Variants in SLU7 observed in about 807,000 individuals in gnomAD.
The protein encoded by SLU7 is spliceosome associated SLU7.
SLU7 carries 60 observed loss-of-function variants against 87.0 expected under a neutral mutation model. The observed-to-expected ratio is 0.69, with a 90% CI of 0.56 to 0.86. The LOEUF is 0.86. Among genes scored for constraint, SLU7 ranks in the 40% least tolerant of loss-of-function variants. The pLI is 0.00. For missense variants in SLU7, 507 were observed against 686.6 expected (o/e 0.74, Z 2.92); for synonymous variants, 197 against 222.0 (o/e 0.89, Z 1.00).
intron 12 of SLU7, among the ~76,000 whole-genome samples, chr5:160,406,171 GTA>G (rs888279856): frequency 2.0e-5 from 3 of 152,092 alleles, no homozygotes; most frequent in Non-Finnish European, 4.4e-5. Context: ...CTATATGTGT[GTA>G]TATATGTGTA....
intron 8 of SLU7, 63 bp downstream of exon 8, chr5:160,408,266 A>G: frequency 6.5e-7 from 1 of 1,538,416 alleles, no homozygotes; most frequent in Non-Finnish European, 8.9e-7. Flanking sequence ...CCCAGAGTCG[A>G]TAAAATTTAT....
intron 6 of SLU7, among the ~76,000 whole-genome samples, chr5:160,412,178 T>C (rs1765264201): frequency 6.6e-6 from 1 of 152,220 alleles, no homozygotes; most frequent in African/African-American, 2.4e-5. Flanking sequence ...TTCTAAACTC[T>C]AGAAAATTCT....
intron 2 of SLU7, 126 bp downstream of exon 2, chr5:160,414,999 T>G (rs1371505594): frequency 6.4e-6 from 5 of 782,322 alleles, no homozygotes; most frequent in Non-Finnish European, 9.9e-6. Flanking sequence ...ATGAGTTTGA[T>G]AAAATAAAAA....
rs751710840 is a variant in SLU7, at chr5:160,413,586, G to C, written c.440C>G (p.Thr147Ser). Residue 147 changes from threonine (T) to serine (S), a missense_variant, in exon 5 of 16, where the codon ACT becomes AGT. Physicochemically the swap from Thr to Ser is moderately conservative, Grantham distance 58. Transcript: ENST00000297151. ...GACATGTTCATCTGGAGCTATATTA[G>C]TACCTGTAAATTTGGCTCCAACTCG... is the stretch of plus-strand genomic sequence containing the variant. ...PRRVGAKFTG[T>S]NIAPDEHVQP... 6.2e-7 allele frequency: 1 copy of C among 1,613,180 alleles called. No homozygotes were observed. The highest frequency in any genetic ancestry group is 1.1e-5 in the South Asian group (1 of 90,804).
Position 160,414,329 on chromosome 5 carries a change from C to T in SLU7, c.314G>A (p.Gly105Asp). The change falls in exon 3 of 16, where the codon GGT (glycine) becomes GAT (aspartate). Residue 105 changes from glycine to aspartate, a missense_variant. By Grantham distance (94) the Gly-to-Asp change is moderately conservative (BLOSUM62 -1). Coordinates refer to ENST00000297151, the MANE Select transcript of SLU7 (RefSeq NM_006425.5). The part of the protein sequence containing the change: ...FSSSGEWYKR[G>D]VKENSIITKY... ...AGGTTGCCTACATACCTCTTTTACA[C>T]CCCTCTTGTACCATTCTCCAGATGA... 6.2e-7 allele frequency: 1 copy of T among 1,601,248 alleles called. No homozygotes were observed. The highest frequency in any genetic ancestry group is 8.5e-7 in the Non-Finnish European group (1 of 1,175,388).
Position 160,416,526 on chromosome 5 carries a change from A to G in SLU7, c.-16-1216T>C, listed in dbSNP as rs185238470. 2.6e-3 allele frequency among the ~76,000 whole-genome samples: 402 copies of G among 152,302 alleles called. 4 individuals carry two copies. The highest frequency in any genetic ancestry group is 9.5e-3 in the African/African-American group (393 of 41,568). ...CAATACGTCTTAATTCAATCTCATG[A>G]TCTTCCCTCTGAAATCTAATCTCCT... On this transcript the variant is annotated intron_variant, in intron 1 of 15. Coordinates refer to ENST00000297151, the MANE Select transcript of SLU7 (RefSeq NM_006425.5).
At chr5:160,413,719 A>G in intron 4 of SLU7, 99 bp from the exon 5 acceptor site, 2 of 1,145,856 alleles carry the variant, frequency 1.7e-6, no homozygotes, top group Non-Finnish European at 2.5e-6. Flanking sequence ...GATCTATTCA[A>G]TTTACAGTTA....
intron 1 of SLU7, among the ~76,000 whole-genome samples, chr5:160,416,149 C>T (rs1765447223): frequency 1.3e-5 from 2 of 152,198 alleles, no homozygotes; most frequent in African/African-American, 2.4e-5. Flanking sequence ...CCACCTTGGC[C>T]TCCCAAAGTG....
At chr5:160,405,318 T>C (rs894053248) in intron 12 of SLU7, among the ~76,000 whole-genome samples, 183 bp from the exon 13 acceptor site, 5 of 152,214 alleles carry the variant, frequency 3.3e-5, no homozygotes, top group African/African-American at 9.6e-5. Flanking sequence ...GCAGGACCTG[T>C]AGTTACAAAA....
intron 3 of SLU7, 136 bp from the exon 4 acceptor site, chr5:160,414,115 A>G: frequency 1.5e-6 from 1 of 685,644 alleles, no homozygotes; most frequent in Non-Finnish European, 2.3e-6. Context: ...CCACACATTT[A>G]TAAATGTGAA....
In SLU7 at chr5:160,408,087, T is replaced by A; in HGVS notation, c.820-19A>T. ...TCAAATACTAGAAGAAAAAAATATT[T>A]AAAGAATTAATGTTTACTCACAGCA... On this transcript the variant is annotated intron_variant, in intron 8 of 15. Coordinates refer to ENST00000297151, the MANE Select transcript of SLU7 (RefSeq NM_006425.5). 1 of 1,521,418 alleles carries A rather than the reference T, an allele frequency of 6.6e-7. No homozygotes were observed. Among genetic ancestry groups the A allele is most frequent in the Non-Finnish European group, 9.1e-7 (1 of 1,097,060 alleles). 94.2% of individuals were successfully genotyped at this position (1,521,418 alleles called of 1,614,324 possible).
At position 160,404,846 on chromosome 5, in the gene SLU7, C is replaced by T. The variant is rs775781052; in HGVS notation, c.1427G>A (p.Gly476Glu). Residue 476 changes from glycine (G) to glutamate (E), a missense_variant, in exon 14 of 16, where the codon GGG becomes GAG. By Grantham distance (98) the Gly-to-Glu change is moderately conservative. Around this residue, in one of 6 missense-constraint regions of SLU7, gnomAD observed 201 missense variants for 213.4 expected, o/e 0.94. Transcript: ENST00000297151. ...SEECIINEIT[G>E]EESVKKPQTL... ...TTGAGGTTTTTTCACAGATTCTTCC[C>T]CAGTTATCTCATTTATAATACACTC... 7 of 1,610,820 alleles carry T rather than the reference C, an allele frequency of 4.3e-6. No homozygotes were observed. In the South Asian group the frequency reaches 7.7e-5, roughly 18 times the overall value.
intron 1 of SLU7, 119 bp downstream of exon 1, chr5:160,418,904 T>A (rs951330735): frequency 5.9e-5 from 9 of 152,296 alleles, no homozygotes; most frequent in African/African-American, 2.2e-4. Flanking sequence ...CCTCGCTCCC[T>A]CAACACCTGA....
In SLU7 at chr5:160,412,478, T is replaced by C; in HGVS notation, c.612A>G (p.Leu204=). Residue 204 remains leucine, a synonymous_variant, in exon 6 of 16, where the codon TTA becomes TTG. Coordinates refer to ENST00000297151, the MANE Select transcript of SLU7 (RefSeq NM_006425.5). ...CCTGTTCCACTAATTTTCCTGAGGC[T>C]AATTCCTCTTGGAGTTTCTGGGCTT... ...TLKAQKLQEE[L]ASGKLVEQAN... 1 of 1,557,350 alleles carries C rather than the reference T, an allele frequency of 6.4e-7. No homozygotes were observed. Among genetic ancestry groups the C allele is most frequent in the Non-Finnish European group, 8.7e-7 (1 of 1,147,216 alleles).
rs545258376 is a variant in SLU7, at chr5:160,401,815, A to G, written c.*1470T>C. ...TGCATTGCTGTTTAATTTCATACCA[A>G]TCTAAAGCTCGACACTATGTATATC... On this transcript the variant is annotated 3_prime_UTR_variant, in exon 16 of 16. Coordinates refer to ENST00000297151, the MANE Select transcript of SLU7 (RefSeq NM_006425.5). The G allele has an allele frequency of 5.9e-5, 9 of 152,376 alleles. No homozygotes were observed. The highest frequency in any genetic ancestry group is 1.7e-4 in the African/African-American group (7 of 41,588). 9.4% of individuals were successfully genotyped at this position (152,376 alleles called of 1,614,324 possible).
In SLU7 at chr5:160,413,961, A is replaced by G. The variant is rs1282376143; in HGVS notation, c.343T>C (p.Tyr115His). 3.8e-6 allele frequency: 6 copies of G among 1,584,636 alleles called. No homozygotes were observed. In the Admixed American group the frequency reaches 5.4e-5, roughly 14 times the overall value. Residue 115 changes from tyrosine to histidine, a missense_variant, in exon 4 of 16, where the codon TAC becomes CAC. Tyr to His is a moderately conservative substitution (Grantham distance 83, BLOSUM62 2). Coordinates refer to ENST00000297151, the MANE Select transcript of SLU7 (RefSeq NM_006425.5). ...CAATTTTCACATGCTCCTTTGCGGT[A>G]CTTAGTAATTATGGAATTCTATAAA... ...GVKENSIITK[Y>H]RKGACENCGA...
intron 1 of SLU7, among the ~76,000 whole-genome samples, chr5:160,418,033 C>T (rs182268449): frequency 6.6e-6 from 1 of 152,250 alleles, no homozygotes; most frequent in Admixed American, 6.5e-5. Flanking sequence ...AAGCTCTTTC[C>T]CAGTGGAAAG....
chr5:160,407,964 T>C lies in SLU7; in HGVS notation c.917+7A>G, dbSNP rs1294877049. On this transcript the variant is annotated splice_region_variant and intron_variant, in intron 9 of 15. Coordinates refer to ENST00000297151, the MANE Select transcript of SLU7 (RefSeq NM_006425.5). This position sits in a 1 kb window ranked among gnomAD's most constrained non-coding sequence, Gnocchi z 4.2. ...CTTAAAATCTGTACATTTAACTTGATACTTACTCATCTGGATTCTTTCCTG... is the reference window on the plus strand; with the variant it reads ...CTTAAAATCTGTACATTTAACTTGACACTTACTCATCTGGATTCTTTCCTG... 6.3e-7 allele frequency: 1 copy of C among 1,592,298 alleles called. No individual in the cohort carries two copies. The highest frequency in any genetic ancestry group is 8.6e-7 in the Non-Finnish European group (1 of 1,160,506).
Position 160,413,909 on chromosome 5 carries a change from T to C in SLU7, c.395A>G (p.Asp132Gly), listed in dbSNP as rs1765345448. Residue 132 changes from aspartate to glycine, a missense_variant, in exon 4 of 16, where the codon GAC (aspartate) becomes GGC (glycine). This residue lies in a region of SLU7 where 155 missense variants were observed against 154.4 expected (regional missense o/e 1.00). Coordinates refer to ENST00000297151, the MANE Select transcript of SLU7 (RefSeq NM_006425.5). Reference protein sequence around the residue: ...NCGAMTHKKKDCFERPRRVGA... With the variant: ...NCGAMTHKKKGCFERPRRVGA... ...CAAAGGTGAACTTACCTCAAAGCAGTCTTTCTTTTTGTGTGTCATGGCCCC... is the reference window on the plus strand; with the variant it reads ...CAAAGGTGAACTTACCTCAAAGCAGCCTTTCTTTTTGTGTGTCATGGCCCC... 3 of 1,592,928 alleles carry C rather than the reference T, an allele frequency of 1.9e-6. No individual in the cohort carries two copies. The highest frequency in any genetic ancestry group is 2.3e-5 in the East Asian group (1 of 44,412).
Sources: allele counts gnomAD v4.1 joint callset (sites outside exome capture counted in the v4.1 genomes callset), GRCh38; gene constraint gnomAD v4.1.1; regional missense constraint gnomAD v4.1.1; non-coding constraint Gnocchi (gnomAD v3.1); transcripts MANE v1.5; gene names NCBI Gene and HGNC (gene_info 2026-07-23, HGNC 2026-07-21).